The following TOX3 variants were observed in gnomAD, a reference collection of about 807,000 sequenced individuals.
TOX3 encodes the protein CAG trinucleotide repeat-containing gene F9 protein.
Under a neutral mutation model 64.3 loss-of-function variants are expected in TOX3, and 22 were observed. That is an observed-to-expected ratio of 0.34 (90% confidence interval 0.24 to 0.49). The LOEUF (loss-of-function observed/expected upper bound fraction) is 0.49, where lower values mean the gene tolerates loss of function less well. Among genes scored for constraint, TOX3 ranks in the 20% least tolerant of loss-of-function variants. The pLI is 0.99. For missense variants in TOX3, 661 were observed against 714.4 expected, an observed-to-expected ratio of 0.93 and a Z score of 0.85; for synonymous variants, 291 against 273.6, an observed-to-expected ratio of 1.06 and a Z score of -0.63.
At chr16:52,502,463 C>T (rs1380164272) in intron 1 of TOX3, among the ~76,000 whole-genome samples, 2 of 151,916 alleles carry the variant, frequency 1.3e-5, no homozygotes, top group African/African-American at 4.8e-5. Context: ...CCATATTCAA[C>T]AAAAAAAGCA....
chr16:52,511,108 G>A (rs1347850843), intron 1 of TOX3, among the ~76,000 whole-genome samples: 2 of 152,122 alleles, frequency 1.3e-5, no homozygotes, highest in Non-Finnish European at 2.9e-5. Context: ...GTCATGCTGT[G>A]ACCATCTGAG....
At chr16:52,498,972 C>T (rs112069978) in intron 1 of TOX3, among the ~76,000 whole-genome samples, 151 of 152,272 alleles carry the variant, frequency 9.9e-4, no homozygotes, top group African/African-American at 3.5e-3. Flanking sequence ...ACATTCTTAC[C>T]CTAACACAAT....
rs1364885696 is a variant in TOX3, at chr16:52,489,461, G to C, written c.88-20887C>G. ...ATGGACATGTCCCCCGTAGTATCTA[G>C]GTCTCAAATGATTACTTTTTCTCCT... On this transcript the variant is annotated intron_variant, in intron 1 of 6. Coordinates refer to ENST00000219746, the MANE Select transcript of TOX3 (RefSeq NM_001080430.4). Among the ~76,000 whole-genome samples, 4 of 152,068 alleles carry C rather than the reference G, an allele frequency of 2.6e-5. No homozygotes were observed. The East Asian group carries it at 7.7e-4, about 29-fold the overall frequency.
chr16:52,521,950 C>T (rs994510481), intron 1 of TOX3, among the ~76,000 whole-genome samples: 1 of 152,180 alleles, frequency 6.6e-6, no homozygotes, highest in African/African-American at 2.4e-5. Context: ...GATCAATCAC[C>T]TCCTCACCTG....
intron 1 of TOX3, among the ~76,000 whole-genome samples, chr16:52,516,004 T>C (rs1962444957): frequency 6.6e-6 from 1 of 152,042 alleles, no homozygotes; most frequent in Admixed American, 6.6e-5. Context: ...AATCTGTACA[T>C]ATAAATCAAA....
chr16:52,497,129 C>T (rs1961869973), intron 1 of TOX3, among the ~76,000 whole-genome samples: 1 of 152,170 alleles, frequency 6.6e-6, no homozygotes, highest in Admixed American at 6.5e-5. Flanking sequence ...GAAATAGAGT[C>T]TCCCTTAGCC....
At chr16:52,542,656 T>C (rs1429261692) in intron 1 of TOX3, among the ~76,000 whole-genome samples, 3 of 152,154 alleles carry the variant, frequency 2.0e-5, no homozygotes, top group Admixed American at 6.5e-5. Context: ...CAAGAGACAA[T>C]TGAGTTTATG....
At chr16:52,512,523 T>C (rs1419588182) in intron 1 of TOX3, among the ~76,000 whole-genome samples, 2 of 152,222 alleles carry the variant, frequency 1.3e-5, no homozygotes. Context: ...TCTATGTGCT[T>C]AAGATGCAGT....
At chr16:52,540,033 G>A (rs949572845) in intron 1 of TOX3, among the ~76,000 whole-genome samples, 4 of 151,900 alleles carry the variant, frequency 2.6e-5, no homozygotes, top group Non-Finnish European at 5.9e-5. Flanking sequence ...CTACTCAAAA[G>A]GTCAGATCAA....
chr16:52,446,002 G>C lies in TOX3; in HGVS notation c.898C>G (p.Gln300Glu). The C allele has an allele frequency of 6.2e-7, 1 of 1,613,124 alleles. No homozygotes were observed. The highest frequency in any genetic ancestry group is 1.1e-5 in the South Asian group (1 of 91,042). Residue 300 changes from glutamine to glutamate, a missense_variant, in exon 5 of 7, where the codon CAA becomes GAA. Transcript: ENST00000219746. Reference sequence around the variant, plus strand: ...ATGGGTCTTTGTCTCACCTGCTTTTGTTCTTCTCCAAGGCTGTCCCACATA... The same window carrying C: ...ATGGGTCTTTGTCTCACCTGCTTTTCTTCTTCTCCAAGGCTGTCCCACATA... ...ASMWDSLGEE[Q>E]KQVYKRKTEA...
At chr16:52,505,569 A>G (rs1241106782) in intron 1 of TOX3, among the ~76,000 whole-genome samples, 1 of 152,180 alleles carries the variant, frequency 6.6e-6, no homozygotes, top group Non-Finnish European at 1.5e-5. Context: ...AAAAATCACT[A>G]ACTGCTTTGG....
intron 6 of TOX3, among the ~76,000 whole-genome samples, chr16:52,442,671 T>C (rs896441187): frequency 2.0e-5 from 3 of 152,226 alleles, no homozygotes; most frequent in African/African-American, 7.2e-5. Flanking sequence ...TAGCAGCTAC[T>C]TCACAGTTTG....
chr16:52,509,900 G>T (rs1405861534), intron 1 of TOX3, among the ~76,000 whole-genome samples: 1 of 152,300 alleles, frequency 6.6e-6, no homozygotes, highest in African/African-American at 2.4e-5. Flanking sequence ...ACCGAGAGCA[G>T]TGGTTCTCAG....
intron 1 of TOX3, among the ~76,000 whole-genome samples, chr16:52,536,627 C>CTATATATATATA (rs57164139): frequency 8.8e-5 from 3 of 34,260 alleles, no homozygotes; most frequent in Non-Finnish European, 1.1e-4. Flanking sequence ...TAGATATACA[C>CTATATATATATA]TATATATATA....
At chr16:52,537,518 A>G (rs867919598) in intron 1 of TOX3, among the ~76,000 whole-genome samples, 11 of 152,232 alleles carry the variant, frequency 7.2e-5, no homozygotes, top group South Asian at 4.1e-4. Flanking sequence ...AGAAATCTTC[A>G]AAATCATCAA....
chr16:52,471,455 A>T (rs1282946446), intron 1 of TOX3, among the ~76,000 whole-genome samples: 1 of 152,194 alleles, frequency 6.6e-6, no homozygotes, highest in African/African-American at 2.4e-5. Flanking sequence ...ACTTTAAGTG[A>T]ATTGTGTACA....
At chr16:52,453,111 T>C (rs1184747603) in intron 3 of TOX3, among the ~76,000 whole-genome samples, 1 of 152,152 alleles carries the variant, frequency 6.6e-6, no homozygotes, top group African/African-American at 2.4e-5. Flanking sequence ...CTGACATAAC[T>C]TCCACCCCCA....
intron 1 of TOX3, among the ~76,000 whole-genome samples, chr16:52,540,465 A>G (rs1306862874): frequency 6.6e-6 from 1 of 152,138 alleles, no homozygotes; most frequent in Admixed American, 6.5e-5. Flanking sequence ...TTGACTTTCC[A>G]ACAGCCTTCT....
At chr16:52,486,360 T>C (rs545212235) in intron 1 of TOX3, among the ~76,000 whole-genome samples, 4 of 152,314 alleles carry the variant, frequency 2.6e-5, no homozygotes, top group African/African-American at 9.6e-5. Context: ...TAATGTTGAA[T>C]GCTGCAAAAG....
Sources: allele counts gnomAD v4.1 joint callset (sites outside exome capture counted in the v4.1 genomes callset), GRCh38; gene constraint gnomAD v4.1.1; transcripts MANE v1.5; gene names NCBI Gene and HGNC (gene_info 2026-07-23, HGNC 2026-07-21).